PDE6B: variants seen among roughly 807,000 people sequenced by gnomAD.
PDE6B encodes the protein phosphodiesterase 6B, also known as rod cGMP-specific 3',5'-cyclic phosphodiesterase subunit beta.
PDE6B carries 106 observed loss-of-function variants against 109.0 expected under a neutral mutation model. The ratio of observed to expected loss-of-function variants is 0.97; its 90% CI spans 0.83 to 1.14. The LOEUF (loss-of-function observed/expected upper bound fraction) is 1.14. Ranked by LOEUF, PDE6B falls within the 50% of genes most tolerant of loss-of-function variation. The pLI is 0.00. For synonymous variants in PDE6B, 490 were observed against 471.3 expected (o/e 1.04, Z -0.51); for missense variants, 1,193 against 1,155.6 (o/e 1.03, Z -0.47).
chr4:634,634 A>T, intron 1 of PDE6B, 43 bp from the exon 2 acceptor site: 1 of 1,558,884 alleles, frequency 6.4e-7, no homozygotes. Context: ...CTCCAGGCCC[A>T]CGGTGCGACA....
chr4:664,145 G>A lies in PDE6B; in HGVS notation c.2053G>A (p.Glu685Lys). ...KRAMFQKIVD[E>K]SKNYQDKKSW... The stretch of plus-strand genomic sequence containing the variant: ...AGCGATGTTTCAGAAGATCGTGGAT[G>A]AGTCCAAGAACTACCAGGACAAGAA... The change falls in exon 17 of 22, where the codon GAG becomes AAG. Residue 685 changes from glutamate (E) to lysine (K), a missense_variant. By Grantham distance (56) the Glu-to-Lys change is moderately conservative. Transcript: ENST00000496514. The A allele has an allele frequency of 6.2e-7, 1 of 1,611,238 alleles. No homozygotes were observed. The highest frequency in any genetic ancestry group is 8.5e-7 in the Non-Finnish European group (1 of 1,177,566).
rs1298101662 is a variant in PDE6B, at chr4:668,430, G to GCTACCCCATGCTGCTCCCA, written c.2503+475_2503+493dup. Among the ~76,000 whole-genome samples the GCTACCCCATGCTGCTCCCA allele has an allele frequency of 1.5e-3, 182 of 122,488 alleles. 5 individuals are homozygous for GCTACCCCATGCTGCTCCCA. The highest frequency in any genetic ancestry group is 5.6e-3 in the African/African-American group (154 of 27,736). 80.4% of individuals were successfully genotyped at this position (122,488 alleles called of 152,430 possible). ...GCTCCCAGTATCCCATGCTATTCCC[G>GCTACCCCATGCTGCTCCCA]CTACCCCATGCTGCTCCCACTACCC... On this transcript the variant is annotated intron_variant, in intron 21 of 21. Coordinates refer to ENST00000496514, the MANE Select transcript of PDE6B (RefSeq NM_000283.4).
Position 660,555 on chromosome 4 carries a change from G to A in PDE6B, c.1556G>A (p.Cys519Tyr). The A allele has an allele frequency of 3.7e-6, 6 of 1,613,874 alleles. No homozygotes were observed. Among genetic ancestry groups the A allele is most frequent in the Non-Finnish European group, 5.1e-6 (6 of 1,179,922 alleles). The change falls in exon 12 of 22, where the codon TGT becomes TAT. Residue 519 changes from cysteine to tyrosine, a missense_variant. By Grantham distance (194) the Cys-to-Tyr change is radical (BLOSUM62 -2). Coordinates refer to ENST00000496514, the MANE Select transcript of PDE6B (RefSeq NM_000283.4). ...LECTELDLVK[C>Y]GIQMYYELGV... is the part of the protein sequence containing the mutation. Reference sequence around the variant, plus strand: ...TGCACCGAACTGGACCTGGTCAAATGTGGCATCCAGATGTACTACGAGCTG... The same window carrying A: ...TGCACCGAACTGGACCTGGTCAAATATGGCATCCAGATGTACTACGAGCTG...
chr4:658,124 AG>A (rs1298595718), intron 10 of PDE6B, among the ~76,000 whole-genome samples: 25 of 98,650 alleles, frequency 2.5e-4, no homozygotes, highest in Non-Finnish European at 9.8e-5. Context: ...GCAGGTCACC[AG>A]GGGTCACAGC....
chr4:653,477 C>A, intron 3 of PDE6B: 2 of 532,394 alleles, frequency 3.8e-6, no homozygotes, highest in Non-Finnish European at 5.9e-6. Context: ...GTGCGGAAAC[C>A]ACGGCCCGAT....
Position 655,975 on chromosome 4 carries a change from GC to G in PDE6B, c.1030del (p.Leu344PhefsTer15). Reference protein sequence around the residue: ...PSADHWALASGLPSYVAESGF... With the variant: ...PSADHWALASXLPSYVAESGF... ...GCCGATCACTGGGCCCTGGCCAGCG[GC>G]CTTCCAAGCTACGTGGCAGAAAGCG... On this transcript the variant is annotated frameshift_variant, in exon 7 of 22. Transcript: ENST00000496514. LOFTEE classifies it high-confidence loss of function. 6.2e-7 allele frequency: 1 copy of G among 1,611,186 alleles called. No individual in the cohort carries two copies. Among genetic ancestry groups the G allele is most frequent in the Non-Finnish European group, 8.5e-7 (1 of 1,177,678 alleles).
At chr4:643,316 A>G (rs891636678) in intron 3 of PDE6B, among the ~76,000 whole-genome samples, 3 of 143,902 alleles carry the variant, frequency 2.1e-5, no homozygotes, top group Non-Finnish European at 3.0e-5. Flanking sequence ...TCAAAAAAAG[A>G]AAAAAAAAAA....
chr4:660,702 G>T, intron 12 of PDE6B, 89 bp downstream of exon 12: 1 of 1,146,698 alleles, frequency 8.7e-7, no homozygotes, highest in Non-Finnish European at 1.3e-6. Flanking sequence ...AGGTGCCCCA[G>T]AAGGTGAGGG....
At chr4:661,531 A>G (rs1737102165) in intron 12 of PDE6B, 1 of 154,242 alleles carries the variant, frequency 6.5e-6, no homozygotes, top group Non-Finnish European at 1.4e-5. Flanking sequence ...CTCTGAGAAC[A>G]GGTGCAGCAG....
intron 5 of PDE6B, chr4:654,386 C>T: frequency 1.5e-6 from 1 of 658,420 alleles, no homozygotes; most frequent in South Asian, 1.6e-5. Flanking sequence ...GTCGTGAAGA[C>T]CCACGTCGGC....
chr4:630,761 C>A (rs921028180), intron 1 of PDE6B, among the ~76,000 whole-genome samples: 2 of 152,198 alleles, frequency 1.3e-5, no homozygotes, highest in South Asian at 2.1e-4. Context: ...CTGCTCTGGA[C>A]CTCTAAGGAG....
chr4:627,519 GGTT>G (rs1324718327), intron 1 of PDE6B, among the ~76,000 whole-genome samples: 2 of 152,052 alleles, frequency 1.3e-5, no homozygotes, highest in African/African-American at 4.8e-5. Flanking sequence ...GTAATCCCCG[GGTT>G]ACCTTCATCT....
chr4:655,733 C>T, intron 6 of PDE6B: 1 of 647,908 alleles, frequency 1.5e-6, no homozygotes, highest in Non-Finnish European at 2.8e-6. Context: ...CATCTGACCC[C>T]AGTACACCTA....
At position 662,581 on chromosome 4, in the gene PDE6B, A is replaced by C; in HGVS notation, c.1795A>C (p.Ile599Leu). The stretch of plus-strand genomic sequence containing the variant: ...GGTGACAGCCGGCCTGTGCCATGAC[A>C]TCGACCACCGCGGCACCAACAACCT... ...AMVTAGLCHD[I>L]DHRGTNNLYQ... Residue 599 changes from isoleucine to leucine, a missense_variant, in exon 14 of 22, where the codon ATC becomes CTC. Ile to Leu is a conservative substitution (Grantham distance 5). Coordinates refer to ENST00000496514, the MANE Select transcript of PDE6B (RefSeq NM_000283.4). The surrounding 1 kb of genome is among the most constrained non-coding windows in gnomAD (Gnocchi z 4.3). The C allele has an allele frequency of 6.2e-7, 1 of 1,612,468 alleles. No homozygotes were observed. The highest frequency in any genetic ancestry group is 8.5e-7 in the Non-Finnish European group (1 of 1,179,338).
Position 633,697 on chromosome 4 carries a change from G to T in PDE6B, c.469-980G>T, listed in dbSNP as rs978994367. Among the ~76,000 whole-genome samples the T allele has an allele frequency of 6.6e-6, 1 of 152,220 alleles. No homozygotes were observed. The highest frequency in any genetic ancestry group is 2.4e-5 in the African/African-American group (1 of 41,444). ...AACCACCCTGTGCCCACTGCAGGTCGCACAGGTGGGAAGTCCTGACCCCAG... is the reference window on the plus strand; with the variant it reads ...AACCACCCTGTGCCCACTGCAGGTCTCACAGGTGGGAAGTCCTGACCCCAG... On this transcript the variant is annotated intron_variant, in intron 1 of 21. Transcript: ENST00000496514. The surrounding 1 kb of genome is among the most constrained non-coding windows in gnomAD (Gnocchi z 4.5).
intron 3 of PDE6B, among the ~76,000 whole-genome samples, chr4:639,314 A>AT (rs966170777): frequency 2.0e-4 from 30 of 147,784 alleles, no homozygotes; most frequent in Non-Finnish European, 2.9e-4. Context: ...CTGGGTAATT[A>AT]TTTTTTTTTT....
Position 665,230 on chromosome 4 carries a change from G to T in PDE6B, c.2194-25G>T. On this transcript the variant is annotated intron_variant, in intron 18 of 21. Transcript: ENST00000496514. The surrounding 1 kb of genome is among the most constrained non-coding windows in gnomAD (Gnocchi z 4.0). ...TTCCGCGTGGGCTCAGAGCTCCACA[G>T]ACAGCTGCCTTCCTGTGCCTCCAGG... 1 of 1,586,996 alleles carries T rather than the reference G, an allele frequency of 6.3e-7. No homozygotes were observed. The highest frequency in any genetic ancestry group is 1.1e-5 in the South Asian group (1 of 90,370).
At position 648,093 on chromosome 4, in the gene PDE6B, A is replaced by G. The variant is rs1195757286; in HGVS notation, c.712-5759A>G. On this transcript the variant is annotated intron_variant, in intron 3 of 21. Transcript: ENST00000496514. The surrounding 1 kb of genome is among the most constrained non-coding windows in gnomAD (Gnocchi z 4.5). ...TCCATCTCGAAAAAAAAAAGAAAGA[A>G]AGAGCCAAGAGTCAGGCGTATTTGC... Among the ~76,000 whole-genome samples, 2 of 151,814 alleles carry G rather than the reference A, an allele frequency of 1.3e-5. No homozygotes were observed. The highest frequency in any genetic ancestry group is 2.4e-5 in the African/African-American group (1 of 41,174).
At chr4:658,849 T>C in intron 10 of PDE6B, 103 bp from the exon 11 acceptor site, 1 of 840,576 alleles carries the variant, frequency 1.2e-6, no homozygotes, top group South Asian at 1.4e-5. Flanking sequence ...AAGCACAAGC[T>C]CTTGACAGCA....
Sources: gnomAD v4.1 joint callset for allele counts (sites outside exome capture counted in the v4.1 genomes callset) on GRCh38, gnomAD v4.1.1 for gene constraint, Gnocchi (gnomAD v3.1) non-coding constraint, MANE v1.5 for transcripts, NCBI Gene and HGNC (gene_info 2026-07-23, HGNC 2026-07-21) for gene names.